Variants in NRXN3 observed in about 807,000 individuals in gnomAD.
NRXN3 encodes neurexin III.
In NRXN3, 32 loss-of-function variants were observed where a neutral mutation model predicts 137.6. The ratio of observed to expected loss-of-function variants is 0.23; its 90% CI spans 0.18 to 0.31. NRXN3 has a LOEUF of 0.31. NRXN3 is among the 10% of genes least tolerant of loss of function. The pLI is 1.00. For synonymous variants in NRXN3, 798 were observed against 784.5 expected (o/e 1.02, Z -0.29); for missense variants, 1,574 against 2,062.5 (o/e 0.76, Z 4.59).
intron 1 of NRXN3, among the ~76,000 whole-genome samples, chr14:78,198,231 T>G (rs1264913576): frequency 6.6e-6 from 1 of 152,254 alleles, no homozygotes; most frequent in African/African-American, 2.4e-5. Flanking sequence ...GCTCTTCGCA[T>G]CATTCCGGAT....
intron 10 of NRXN3, among the ~76,000 whole-genome samples, chr14:78,917,627 G>A (rs74966842): frequency 0.05 from 7,540 of 152,236 alleles, 326 homozygotes; most frequent in African/African-American, 0.11. Context: ...GAAAGAAGGT[G>A]TAGAAGAGTG....
Position 78,933,825 on chromosome 14 carries a change from CATT to C in NRXN3, c.2276-23415_2276-23413del, listed in dbSNP as rs1314351572. On this transcript the variant is annotated intron_variant, in intron 10 of 20. Transcript: ENST00000335750. ...ATTTTTGAAAAATACAGTATATCAT[CATT>C]AACTATAGTCTCTAGACTGTATAAT... 2.2e-4 allele frequency among the ~76,000 whole-genome samples: 34 copies of C among 152,220 alleles called. No homozygotes were observed. The East Asian group carries it at 4.8e-3, about 22-fold the overall frequency.
intron 15 of NRXN3, among the ~76,000 whole-genome samples, chr14:79,251,544 A>G (rs2075930677): frequency 1.3e-5 from 2 of 152,170 alleles, no homozygotes; most frequent in Non-Finnish European, 2.9e-5. Context: ...ATCTGTAGAA[A>G]GAGGTCCAGT....
chr14:79,432,410 C>A (rs2153554961), intron 15 of NRXN3, among the ~76,000 whole-genome samples: 1 of 152,236 alleles, frequency 6.6e-6, no homozygotes, highest in East Asian at 1.9e-4. Flanking sequence ...GTTCTCCTAC[C>A]TCTAAACAGA....
chr14:79,155,801 G>A (rs1350874668), intron 15 of NRXN3, among the ~76,000 whole-genome samples: 3 of 151,660 alleles, frequency 2.0e-5, no homozygotes, highest in Non-Finnish European at 4.4e-5. Context: ...AAACTTAAAA[G>A]TTAATAATTT....
chr14:79,065,625 G>A (rs560439280), intron 15 of NRXN3, among the ~76,000 whole-genome samples: 2 of 152,124 alleles, frequency 1.3e-5, no homozygotes, highest in East Asian at 1.9e-4. Context: ...AGGTGCTGGC[G>A]GGGTTGGTTT....
At chr14:79,278,586 TG>T (rs2153437260) in intron 15 of NRXN3, among the ~76,000 whole-genome samples, 1 of 152,334 alleles carries the variant, frequency 6.6e-6, no homozygotes, top group Admixed American at 6.5e-5. Context: ...CACTTCTCTT[TG>T]AGCCAGCCGA....
chr14:78,497,615 CATCCATCCATCT>C (rs2095808407), intron 4 of NRXN3, among the ~76,000 whole-genome samples: 2 of 149,458 alleles, frequency 1.3e-5, no homozygotes, highest in South Asian at 4.3e-4. Flanking sequence ...TCCATCCATC[CATCCATCCATCT>C]ATCCATCTGT....
At chr14:78,201,404 T>A (rs528002755) in intron 1 of NRXN3, among the ~76,000 whole-genome samples, 1 of 152,280 alleles carries the variant, frequency 6.6e-6, no homozygotes, top group Non-Finnish European at 1.5e-5. Flanking sequence ...TCTGATGGCT[T>A]CTGCTGGGCA....
At chr14:79,174,174 G>A (rs1295504917) in intron 15 of NRXN3, among the ~76,000 whole-genome samples, 2 of 152,126 alleles carry the variant, frequency 1.3e-5, no homozygotes, top group East Asian at 1.9e-4. Flanking sequence ...TGAAGGTAGC[G>A]TTAATGTCTA....
At chr14:79,419,353 G>C (rs2095542869) in intron 15 of NRXN3, among the ~76,000 whole-genome samples, 1 of 152,144 alleles carries the variant, frequency 6.6e-6, no homozygotes, top group Non-Finnish European at 1.5e-5. Flanking sequence ...AATTGCAATA[G>C]GGTTACATAA....
chr14:78,628,780 C>A (rs2097492050), intron 4 of NRXN3, among the ~76,000 whole-genome samples: 1 of 152,180 alleles, frequency 6.6e-6, no homozygotes, highest in African/African-American at 2.4e-5. Context: ...CGGGAAAGAA[C>A]CACTGTCCAG....
rs1325712894 is a variant in NRXN3 at position 79,043,340 on chromosome 14, C to A, written c.3262+55199C>A. Among the ~76,000 whole-genome samples, 4 of 152,256 alleles carry A rather than the reference C, an allele frequency of 2.6e-5. No homozygotes were observed. In the East Asian group the frequency reaches 7.7e-4, roughly 29 times the overall value. ...GTATCCACTAGATTTGAGAACAAAG[C>A]AACCCTGTAGCGTGAGCCCAGAGTC... On this transcript the variant is annotated intron_variant, in intron 15 of 20. Coordinates refer to ENST00000335750, the MANE Select transcript of NRXN3 (RefSeq NM_001330195.2).
chr14:79,283,089 C>T (rs544125687), intron 15 of NRXN3, among the ~76,000 whole-genome samples: 1 of 152,158 alleles, frequency 6.6e-6, no homozygotes, highest in Non-Finnish European at 1.5e-5. Flanking sequence ...AGACAAAGAC[C>T]TAGCTAACAG....
chr14:79,566,010 C>G (rs944485368), intron 16 of NRXN3, among the ~76,000 whole-genome samples: 1 of 152,072 alleles, frequency 6.6e-6, no homozygotes, highest in Admixed American at 6.6e-5. Flanking sequence ...TTTTCCCCCA[C>G]TTCAGCTTCA....
At chr14:79,345,779 A>G (rs112020937) in intron 15 of NRXN3, among the ~76,000 whole-genome samples, 4 of 152,232 alleles carry the variant, frequency 2.6e-5, no homozygotes, top group African/African-American at 9.6e-5. Context: ...ACCTTCTGCC[A>G]TGATTGAAAG....
At chr14:79,129,239 T>C (rs1165944283) in intron 15 of NRXN3, among the ~76,000 whole-genome samples, 10 of 150,900 alleles carry the variant, frequency 6.6e-5, no homozygotes, top group Non-Finnish European at 1.3e-4. Flanking sequence ...GTGTTTGCTC[T>C]TGCTTTTCTA....
chr14:79,370,611 C>G (rs1173220134), intron 15 of NRXN3, among the ~76,000 whole-genome samples: 4 of 152,026 alleles, frequency 2.6e-5, no homozygotes, highest in Non-Finnish European at 4.4e-5. Flanking sequence ...AGCCACCGTG[C>G]CTGGCCAAGT....
At chr14:79,606,832 G>A (rs2098026202) in intron 16 of NRXN3, among the ~76,000 whole-genome samples, 2 of 152,220 alleles carry the variant, frequency 1.3e-5, no homozygotes, top group South Asian at 4.1e-4. Context: ...CAGCGTGGCA[G>A]AAAAGAATAG....
Sources: allele counts gnomAD v4.1 joint callset (sites outside exome capture counted in the v4.1 genomes callset), GRCh38; gene constraint gnomAD v4.1.1; transcripts MANE v1.5; gene names NCBI Gene and HGNC (gene_info 2026-07-23, HGNC 2026-07-21).